Variants in DDX10 observed in about 807,000 individuals in gnomAD.
DDX10 encodes the protein DEAD-box helicase 10.
DDX10 carries 74 observed loss-of-function variants against 104.3 expected under a neutral mutation model. That is an observed-to-expected ratio of 0.71 (90% CI 0.59 to 0.86). DDX10 has a LOEUF of 0.86. Among genes scored for constraint, DDX10 ranks in the 40% least tolerant of loss-of-function variants. The pLI is 0.00. For synonymous variants in DDX10, 351 were observed against 353.4 expected (o/e 0.99, Z 0.08); for missense variants, 952 against 1,040.0 (o/e 0.92, Z 1.16).
At chr11:108,855,037 T>G (rs1862846707) in intron 16 of DDX10, among the ~76,000 whole-genome samples, 2 of 152,212 alleles carry the variant, frequency 1.3e-5, no homozygotes, top group Admixed American at 1.3e-4. Context: ...TACGAAGGTT[T>G]GCTGGGTACC....
At chr11:108,805,940 T>G (rs1862093099) in intron 13 of DDX10, among the ~76,000 whole-genome samples, 1 of 152,122 alleles carries the variant, frequency 6.6e-6, no homozygotes, top group Non-Finnish European at 1.5e-5. Context: ...TTTACACATT[T>G]TAAACTTTTT....
At chr11:108,844,042 T>C (rs1026209525) in intron 15 of DDX10, among the ~76,000 whole-genome samples, 8 of 152,246 alleles carry the variant, frequency 5.3e-5, no homozygotes, top group African/African-American at 1.7e-4. Context: ...TCCATGACTA[T>C]CTCATAGCAA....
At chr11:108,825,875 T>C (rs1347617714) in intron 13 of DDX10, among the ~76,000 whole-genome samples, 1 of 152,152 alleles carries the variant, frequency 6.6e-6, no homozygotes, top group Admixed American at 6.5e-5. Flanking sequence ...ATGAGTAACT[T>C]TGATAGGAAA....
intron 16 of DDX10, among the ~76,000 whole-genome samples, chr11:108,893,357 G>A (rs1298919104): frequency 6.6e-6 from 1 of 151,764 alleles, no homozygotes; most frequent in Non-Finnish European, 1.5e-5. Context: ...CCAAAGATTT[G>A]GGTTCTAGCT....
In DDX10 at chr11:108,860,066, T is replaced by C. The variant is rs143502312; in HGVS notation, c.2304+7857T>C. Among the ~76,000 whole-genome samples the C allele has an allele frequency of 3.0e-3, 456 of 152,290 alleles. 4 individuals carry two copies. Among genetic ancestry groups the C allele is most frequent in the African/African-American group, 0.01 (424 of 41,568 alleles). ...TTTCATAACTCAGAATCCTGTTGCT[T>C]ATGTGAAGAAAAAGAGGCAGGGCTA... On this transcript the variant is annotated intron_variant, in intron 16 of 17. Transcript: ENST00000322536.
chr11:108,717,181 A>G (rs1273353684), intron 11 of DDX10, among the ~76,000 whole-genome samples: 2 of 152,218 alleles, frequency 1.3e-5, no homozygotes, highest in Non-Finnish European at 2.9e-5. Context: ...GGTGGGAGGA[A>G]GAATATAAAG....
intron 13 of DDX10, among the ~76,000 whole-genome samples, chr11:108,738,251 C>CTT (rs55902143): frequency 0.12 from 17,347 of 143,938 alleles, 1,419 homozygotes; most frequent in East Asian, 0.27. Flanking sequence ...TGAGACTGAA[C>CTT]TTTTTTTTTT....
intron 16 of DDX10, among the ~76,000 whole-genome samples, chr11:108,867,790 TAACAA>T (rs1418308928): frequency 6.6e-6 from 1 of 152,114 alleles, no homozygotes; most frequent in East Asian, 1.9e-4. Context: ...GGAAAATTAT[TAACAA>T]AACAGATATC....
chr11:108,806,520 A>G (rs768087747), intron 13 of DDX10, among the ~76,000 whole-genome samples: 4 of 152,210 alleles, frequency 2.6e-5, no homozygotes, highest in Non-Finnish European at 5.9e-5. Context: ...TCCATACAGT[A>G]GTCATCAAGG....
Position 108,722,874 on chromosome 11 carries a change from C to T in DDX10, c.1500-123C>T, listed in dbSNP as rs1008856672. 8 of 1,409,484 alleles carry T rather than the reference C, an allele frequency of 5.7e-6. No homozygotes were observed. The Middle Eastern group carries it at 7.3e-4, about 129-fold the overall frequency. The allele number at this position is 1,409,484 out of a possible 1,614,324, so 87.3% of individuals were successfully genotyped here. A position where few individuals can be genotyped will look rare whatever the true frequency, so the allele number is the denominator to read the frequency against. ...CTAACCTGTTAGTATTGAGTTGTAT[C>T]TCACAGGAACATTTTCTTTAAAAAA... On this transcript the variant is annotated intron_variant, in intron 12 of 17. Coordinates refer to ENST00000322536, the MANE Select transcript of DDX10 (RefSeq NM_004398.4).
At chr11:108,815,372 G>A (rs1300366246) in intron 13 of DDX10, among the ~76,000 whole-genome samples, 1 of 152,082 alleles carries the variant, frequency 6.6e-6, no homozygotes, top group African/African-American at 2.4e-5. Flanking sequence ...TATGCAGGGG[G>A]TTGGTTCCAA....
chr11:108,742,768 C>T (rs561393949), intron 13 of DDX10, among the ~76,000 whole-genome samples: 4 of 152,236 alleles, frequency 2.6e-5, no homozygotes, highest in Non-Finnish European at 5.9e-5. Context: ...CACCTCTATG[C>T]GCACAAACTG....
At chr11:108,908,006 G>T (rs1863619467) in intron 16 of DDX10, among the ~76,000 whole-genome samples, 1 of 152,160 alleles carries the variant, frequency 6.6e-6, no homozygotes, top group South Asian at 2.1e-4. Context: ...AGTTGCTCTT[G>T]TGTTTCCTGT....
chr11:108,896,499 T>G (rs914794591), intron 16 of DDX10, among the ~76,000 whole-genome samples: 10 of 152,204 alleles, frequency 6.6e-5, no homozygotes, highest in African/African-American at 2.2e-4. Flanking sequence ...GTTGCCAGTC[T>G]CCTTTAGCTC....
chr11:108,858,073 A>G (rs917163464), intron 16 of DDX10, among the ~76,000 whole-genome samples: 3 of 152,238 alleles, frequency 2.0e-5, no homozygotes, highest in Non-Finnish European at 4.4e-5. Flanking sequence ...AACATTTACC[A>G]TTATTTCCAG....
chr11:108,838,071 T>A (rs1191617817), intron 13 of DDX10, among the ~76,000 whole-genome samples: 1 of 151,012 alleles, frequency 6.6e-6, no homozygotes, highest in Non-Finnish European at 1.5e-5. Context: ...AAACTTAAGT[T>A]TGCAACTGCA....
rs1417523441 is a variant in DDX10, at chr11:108,706,941, T to G, written c.1322+104T>G. The G allele has an allele frequency of 3.3e-6, 3 of 897,954 alleles. No homozygotes were observed. In the African/African-American group the frequency reaches 5.0e-5, roughly 15 times the overall value. The allele number at this position is 897,954 out of a possible 1,614,324, so 55.6% of individuals were successfully genotyped here. On this transcript the variant is annotated intron_variant, in intron 10 of 17. Coordinates refer to ENST00000322536, the MANE Select transcript of DDX10 (RefSeq NM_004398.4). ...TGCCCCTTCCCCTAATTTATTCAAC[T>G]GCCTGGTTTGACTTTTATAAAAAGG...
chr11:108,895,275 G>A (rs1482297248), intron 16 of DDX10, among the ~76,000 whole-genome samples: 1 of 149,108 alleles, frequency 6.7e-6, no homozygotes, highest in Non-Finnish European at 1.5e-5. Context: ...TTTTTTGCTT[G>A]TACTTAAGGT....
intron 13 of DDX10, among the ~76,000 whole-genome samples, chr11:108,800,275 CAA>C (rs5794604): frequency 0.027 from 2,839 of 106,234 alleles, 47 homozygotes; most frequent in Non-Finnish European, 0.037. Context: ...ACTAAAAATA[CAA>C]AAAAAAAAAA....
Sources: allele counts gnomAD v4.1 joint callset (sites outside exome capture counted in the v4.1 genomes callset), GRCh38; gene constraint gnomAD v4.1.1; transcripts MANE v1.5; gene names NCBI Gene and HGNC (gene_info 2026-07-23, HGNC 2026-07-21).